KSR2: variants seen among roughly 807,000 people sequenced by gnomAD.
KSR2 encodes kinase suppressor of ras 2.
KSR2 carries 25 observed loss-of-function variants against 107.8 expected under a neutral mutation model. That is an observed-to-expected ratio of 0.23 (90% CI 0.17 to 0.32). The LOEUF (loss-of-function observed/expected upper bound fraction) is 0.32, where lower values mean the gene tolerates loss of function less well. Ranked by LOEUF, KSR2 falls within the 10% of genes least tolerant of loss-of-function variation. The probability of loss-of-function intolerance (pLI) is 1.00; values close to 1 mark genes in which losing one functional copy is unlikely to be tolerated. For synonymous variants in KSR2, 480 were observed against 507.0 expected (o/e 0.95, Z 0.71); for missense variants, 887 against 1,268.9 (o/e 0.70, Z 4.57).
intron 5 of KSR2, among the ~76,000 whole-genome samples, chr12:117,622,610 G>T (rs1046852381): frequency 2.6e-5 from 4 of 151,996 alleles, no homozygotes; most frequent in Non-Finnish European, 1.5e-5. Flanking sequence ...AACCCACACT[G>T]GTTGGAGAGA....
At chr12:117,957,940 T>C (rs1004157381) in intron 1 of KSR2, among the ~76,000 whole-genome samples, 5 of 151,620 alleles carry the variant, frequency 3.3e-5, no homozygotes, top group African/African-American at 1.2e-4. Flanking sequence ...CAAGCGATTC[T>C]CCTGCCTCAG....
chr12:117,486,205 C>A (rs1486561646), intron 14 of KSR2, among the ~76,000 whole-genome samples: 2 of 152,140 alleles, frequency 1.3e-5, no homozygotes, highest in Non-Finnish European at 2.9e-5. Flanking sequence ...ACCAGTAATA[C>A]CACCCCCAAA....
chr12:117,785,724 G>A (rs1890048242), intron 3 of KSR2, among the ~76,000 whole-genome samples: 3 of 152,160 alleles, frequency 2.0e-5, no homozygotes, highest in Admixed American at 6.5e-5. Flanking sequence ...CAGTGAATGT[G>A]AAGTTAGGTG....
At chr12:117,673,753 T>C (rs910546615) in intron 4 of KSR2, among the ~76,000 whole-genome samples, 1 of 152,214 alleles carries the variant, frequency 6.6e-6, no homozygotes. Context: ...AGTGAATATT[T>C]TGCAATATAT....
intron 4 of KSR2, among the ~76,000 whole-genome samples, chr12:117,730,539 C>G (rs1223146690): frequency 1.3e-5 from 2 of 152,008 alleles, no homozygotes; most frequent in Non-Finnish European, 2.9e-5. Flanking sequence ...CCCCTTTCCA[C>G]GGTCTCCCTC....
In KSR2 at chr12:117,725,011, G is replaced by A. The variant is rs78898920; in HGVS notation, c.986+36000C>T. On this transcript the variant is annotated intron_variant, in intron 4 of 19. Coordinates refer to ENST00000339824, the MANE Select transcript of KSR2 (RefSeq NM_173598.6). ...AACAGGAAAGAAAACTGGTTAACAA[G>A]AACAGGGATGCTCAGGGCAGGCATC... 1.8e-4 allele frequency among the ~76,000 whole-genome samples: 28 copies of A among 151,616 alleles called. No individual in the cohort carries two copies. In the East Asian group the frequency reaches 5.3e-3, roughly 28 times the overall value.
At chr12:117,935,486 A>G (rs1415526942) in intron 1 of KSR2, among the ~76,000 whole-genome samples, 1 of 151,958 alleles carries the variant, frequency 6.6e-6, no homozygotes, top group Non-Finnish European at 1.5e-5. Flanking sequence ...TGGGCCGGGC[A>G]TGGTGGTTCA....
At chr12:117,736,893 G>A (rs1258824219) in intron 4 of KSR2, among the ~76,000 whole-genome samples, 8 of 152,082 alleles carry the variant, frequency 5.3e-5, no homozygotes, top group Admixed American at 4.6e-4. Flanking sequence ...ATTGCGATGA[G>A]CTTATTCCCG....
At chr12:117,554,815 T>A (rs1052693417) in intron 9 of KSR2, among the ~76,000 whole-genome samples, 2 of 152,168 alleles carry the variant, frequency 1.3e-5, no homozygotes, top group African/African-American at 4.8e-5. Flanking sequence ...ATCAGCAGCA[T>A]GAAACAGACT....
chr12:117,559,636 A>G (rs1035550175), intron 7 of KSR2, among the ~76,000 whole-genome samples: 8 of 152,198 alleles, frequency 5.3e-5, no homozygotes, highest in African/African-American at 1.9e-4. Flanking sequence ...AATCGGTGCC[A>G]GGTATTAAGT....
intron 4 of KSR2, among the ~76,000 whole-genome samples, chr12:117,734,211 G>A (rs1179426576): frequency 6.6e-6 from 1 of 151,540 alleles, no homozygotes; most frequent in East Asian, 1.9e-4. Flanking sequence ...AACCTGTGAG[G>A]TGGAGGTTGC....
At chr12:117,605,454 G>A (rs182237039) in intron 5 of KSR2, among the ~76,000 whole-genome samples, 2 of 152,174 alleles carry the variant, frequency 1.3e-5, no homozygotes, top group Admixed American at 1.3e-4. Context: ...ATAGGTAAAT[G>A]TGTGCCATGG....
At chr12:117,965,910 T>C (rs907990762) in intron 1 of KSR2, among the ~76,000 whole-genome samples, 3 of 152,182 alleles carry the variant, frequency 2.0e-5, no homozygotes, top group Non-Finnish European at 4.4e-5. Context: ...GACCCTAAGT[T>C]ACCAGCCCCT....
chr12:117,623,858 C>T (rs924786449), intron 5 of KSR2, among the ~76,000 whole-genome samples: 8 of 152,144 alleles, frequency 5.3e-5, no homozygotes, highest in South Asian at 2.1e-4. Context: ...AGTGTAAAAG[C>T]GTTCCTATTT....
chr12:117,608,833 G>A (rs1243434594), intron 5 of KSR2, among the ~76,000 whole-genome samples: 2 of 152,080 alleles, frequency 1.3e-5, no homozygotes, highest in East Asian at 1.9e-4. Context: ...ACATCCATGG[G>A]AAATTGCATG....
At chr12:117,870,753 G>A (rs1351442368) in intron 1 of KSR2, among the ~76,000 whole-genome samples, 1 of 152,216 alleles carries the variant, frequency 6.6e-6, no homozygotes, top group African/African-American at 2.4e-5. Context: ...CTAGAACCAA[G>A]GGGTACTCCA....
chr12:117,772,497 C>T (rs1225589603), intron 3 of KSR2, among the ~76,000 whole-genome samples: 1 of 147,992 alleles, frequency 6.8e-6, no homozygotes, highest in African/African-American at 2.5e-5. Flanking sequence ...CTCACACATA[C>T]ACATCATTCC....
chr12:117,585,350 G>A (rs1260973076), intron 5 of KSR2, among the ~76,000 whole-genome samples: 1 of 152,042 alleles, frequency 6.6e-6, no homozygotes, highest in Non-Finnish European at 1.5e-5. Context: ...CTCACTATTA[G>A]GTTCATAGCC....
intron 1 of KSR2, among the ~76,000 whole-genome samples, chr12:117,959,245 T>C (rs533252643): frequency 2.0e-5 from 3 of 152,322 alleles, no homozygotes; most frequent in Admixed American, 2.0e-4. Context: ...GCTGTCTACT[T>C]GACAAATGTA....
Sources: gnomAD v4.1 joint callset for allele counts (sites outside exome capture counted in the v4.1 genomes callset) on GRCh38, gnomAD v4.1.1 for gene constraint, MANE v1.5 for transcripts, NCBI Gene and HGNC (gene_info 2026-07-23, HGNC 2026-07-21) for gene names.